The following ZNF521 variants were observed in gnomAD, a reference collection of about 807,000 sequenced individuals.
The protein encoded by ZNF521 is LYST-interacting protein 3.
ZNF521 carries 14 observed loss-of-function variants against 105.5 expected under a neutral mutation model. The ratio of observed to expected loss-of-function variants is 0.13; its 90% CI spans 0.09 to 0.21. The LOEUF is 0.21. Ranked by LOEUF, ZNF521 falls within the 10% of genes least tolerant of loss-of-function variation. The pLI is 1.00. For synonymous variants in ZNF521, 635 were observed against 606.0 expected (o/e 1.05, Z -0.70); for missense variants, 1,233 against 1,629.7 (o/e 0.76, Z 4.19).
At position 25,225,379 on chromosome 18, in the gene ZNF521, C is replaced by T. The variant is rs1906048803; in HGVS notation, c.2539G>A (p.Ala847Thr). The change falls in exon 4 of 8, where the codon GCT becomes ACT. Residue 847 changes from alanine to threonine, a missense_variant. Physicochemically the swap from Ala to Thr is moderately conservative, Grantham distance 58. This residue lies in a region of ZNF521 where 614 missense variants were observed against 751.5 expected (regional missense o/e 0.82). Coordinates refer to ENST00000361524, the MANE Select transcript of ZNF521 (RefSeq NM_015461.3). This position sits in a 1 kb window ranked among gnomAD's most constrained non-coding sequence, Gnocchi z 5.6. The stretch of plus-strand genomic sequence containing the variant: ...TCCTCTTTCTGCACTTGCTCGGAAG[C>T]TCCATTTGTTCCACAGTTGGGTGTC... ...TKTPNCGTNG[A>T]SEQVQKEEVE... 2.5e-6 allele frequency: 4 copies of T among 1,614,186 alleles called. No individual in the cohort carries two copies. Among genetic ancestry groups the T allele is most frequent in the Non-Finnish European group, 3.4e-6 (4 of 1,180,032 alleles).
intron 7 of ZNF521, among the ~76,000 whole-genome samples, chr18:25,078,077 G>A (rs1196940307): frequency 6.6e-6 from 1 of 152,182 alleles, no homozygotes; most frequent in South Asian, 2.1e-4. Context: ...GCCAGTCTGC[G>A]GGAGATGGCT....
chr18:25,251,724 C>T (rs147191470), intron 3 of ZNF521, among the ~76,000 whole-genome samples: 127 of 152,224 alleles, frequency 8.3e-4, no homozygotes, highest in Non-Finnish European at 1.5e-3. Flanking sequence ...ACGTGGCAGC[C>T]GCAACATAAA....
At chr18:25,291,004 C>A (rs1205971112) in intron 3 of ZNF521, among the ~76,000 whole-genome samples, 2 of 152,138 alleles carry the variant, frequency 1.3e-5, no homozygotes, top group East Asian at 3.9e-4. Flanking sequence ...TGTGGGGTGC[C>A]TGAGGAAAGG....
intron 3 of ZNF521, among the ~76,000 whole-genome samples, chr18:25,288,441 T>G (rs1910825575): frequency 6.6e-6 from 1 of 152,114 alleles, no homozygotes; most frequent in Non-Finnish European, 1.5e-5. Context: ...CTCTTTCCTT[T>G]CGGGTTTTAG....
At position 25,227,254 on chromosome 18, in the gene ZNF521, G is replaced by A; in HGVS notation, c.664C>T (p.Gln222Ter). The change falls in exon 4 of 8, where the codon CAG (glutamine) becomes TAG (stop). Residue 222 changes from glutamine (Q) to a stop codon, truncating the protein, a stop_gained. Coordinates refer to ENST00000361524, the MANE Select transcript of ZNF521 (RefSeq NM_015461.3). LOFTEE classifies it high-confidence loss of function. This position sits in a 1 kb window ranked among gnomAD's most constrained non-coding sequence, Gnocchi z 5.7. ...CCGTCCTTGTTCCTCTCATGAACCTGCATGTGTCCGTGTAAGGAACTAGAG... is the reference window on the plus strand; with the variant it reads ...CCGTCCTTGTTCCTCTCATGAACCTACATGTGTCCGTGTAAGGAACTAGAG... The part of the protein sequence containing the change: ...LSSSSLHGHM[Q>*]VHERNKDGSQ... The A allele has an allele frequency of 6.2e-7, 1 of 1,614,100 alleles. No homozygotes were observed. Among genetic ancestry groups the A allele is most frequent in the Non-Finnish European group, 8.5e-7 (1 of 1,180,006 alleles).
At chr18:25,108,416 C>CT (rs1357211643) in intron 5 of ZNF521, among the ~76,000 whole-genome samples, 10 of 151,688 alleles carry the variant, frequency 6.6e-5, no homozygotes, top group Admixed American at 3.3e-4. Context: ...ATAAGTTTTT[C>CT]TTTTTTTTCA....
intron 4 of ZNF521, among the ~76,000 whole-genome samples, chr18:25,214,478 G>A (rs150578037): frequency 5.3e-5 from 8 of 151,954 alleles, no homozygotes; most frequent in East Asian, 1.9e-4. Flanking sequence ...TTTATCTTAA[G>A]TTGATATATC....
chr18:25,218,634 A>C (rs1905491945), intron 4 of ZNF521, among the ~76,000 whole-genome samples: 1 of 151,316 alleles, frequency 6.6e-6, no homozygotes, highest in Admixed American at 6.6e-5. Context: ...CCTGGGCCAC[A>C]GAGTGAAACC....
chr18:25,213,325 C>A (rs1600162393), intron 4 of ZNF521, among the ~76,000 whole-genome samples: 1 of 150,894 alleles, frequency 6.6e-6, no homozygotes, highest in East Asian at 1.9e-4. Context: ...AGGGAATTCC[C>A]ACCTATTCTT....
At chr18:25,141,546 T>A (rs2034848201) in intron 5 of ZNF521, among the ~76,000 whole-genome samples, 1 of 152,208 alleles carries the variant, frequency 6.6e-6, no homozygotes, top group South Asian at 2.1e-4. Flanking sequence ...TAAGTCTCTA[T>A]GAAGCGAATA....
At chr18:25,222,334 A>C (rs1235274425) in intron 4 of ZNF521, among the ~76,000 whole-genome samples, 3 of 152,224 alleles carry the variant, frequency 2.0e-5, no homozygotes, top group African/African-American at 7.2e-5. Context: ...TCATCGAGTA[A>C]TTCTAACCAA....
At chr18:25,206,810 C>T (rs2036088869) in intron 4 of ZNF521, among the ~76,000 whole-genome samples, 1 of 152,112 alleles carries the variant, frequency 6.6e-6, no homozygotes, top group African/African-American at 2.4e-5. Flanking sequence ...TTCTAAAACC[C>T]ACCTGCTTCA....
chr18:25,243,386 G>T (rs1383628289), intron 3 of ZNF521, among the ~76,000 whole-genome samples: 1 of 152,106 alleles, frequency 6.6e-6, no homozygotes, highest in Non-Finnish European at 1.5e-5. Flanking sequence ...CAACTCAAGA[G>T]GTAGCTCTTC....
intron 7 of ZNF521, among the ~76,000 whole-genome samples, chr18:25,077,209 G>A (rs2051929387): frequency 6.6e-6 from 1 of 152,188 alleles, no homozygotes; most frequent in Non-Finnish European, 1.5e-5. Context: ...GGCAAGGAAA[G>A]CCTACACAGC....
At chr18:25,319,595 C>CAAAAAAAAAA (rs67059898) in intron 3 of ZNF521, among the ~76,000 whole-genome samples, 1 of 114,498 alleles carries the variant, frequency 8.7e-6, no homozygotes, top group Non-Finnish European at 1.8e-5. Flanking sequence ...GACTCCATCA[C>CAAAAAAAAAA]AAAAAAAAAA....
At chr18:25,126,146 C>A (rs1402137623) in intron 5 of ZNF521, among the ~76,000 whole-genome samples, 1 of 152,014 alleles carries the variant, frequency 6.6e-6, no homozygotes, top group Non-Finnish European at 1.5e-5. Flanking sequence ...TGACACAGAC[C>A]ACATGGTAAT....
chr18:25,292,938 C>G (rs1442384432), intron 3 of ZNF521, among the ~76,000 whole-genome samples: 1 of 152,192 alleles, frequency 6.6e-6, no homozygotes, highest in Middle Eastern at 3.2e-3. Context: ...CCACTCTGCT[C>G]TCCTCATACT....
At chr18:25,136,325 C>A (rs759319984) in intron 5 of ZNF521, among the ~76,000 whole-genome samples, 1 of 152,118 alleles carries the variant, frequency 6.6e-6, no homozygotes, top group Non-Finnish European at 1.5e-5. Context: ...GTTTTCAGAT[C>A]ACCTAGTTCA....
chr18:25,157,865 C>A (rs898142067), intron 5 of ZNF521, among the ~76,000 whole-genome samples: 3 of 152,030 alleles, frequency 2.0e-5, no homozygotes, highest in South Asian at 2.1e-4. Flanking sequence ...GATTCTCCTG[C>A]CTCAGCCTCC....
Sources: allele counts gnomAD v4.1 joint callset (sites outside exome capture counted in the v4.1 genomes callset), GRCh38; gene constraint gnomAD v4.1.1; regional missense constraint gnomAD v4.1.1; non-coding constraint Gnocchi (gnomAD v3.1); transcripts MANE v1.5; gene names NCBI Gene and HGNC (gene_info 2026-07-23, HGNC 2026-07-21).